The following HIBADH variants were observed in gnomAD, a reference collection of about 807,000 sequenced individuals.
HIBADH encodes 3-hydroxyisobutyrate dehydrogenase, mitochondrial.
A neutral mutation model predicts 36.1 loss-of-function variants in HIBADH; 25 were observed. That is an observed-to-expected ratio of 0.69 (90% CI 0.50 to 0.97). HIBADH has a LOEUF of 0.97. Ranked by LOEUF, HIBADH falls within the 50% of genes least tolerant of loss-of-function variation. The probability of loss-of-function intolerance (pLI) is 0.00; values close to 1 mark genes in which losing one functional copy is unlikely to be tolerated. For synonymous variants in HIBADH, 160 were observed against 149.5 expected (o/e 1.07, Z -0.51); for missense variants, 421 against 418.0 (o/e 1.01, Z -0.06).
chr7:27,542,448 T>G (rs1784167010), intron 5 of HIBADH, among the ~76,000 whole-genome samples: 1 of 140,520 alleles, frequency 7.1e-6, no homozygotes, highest in African/African-American at 2.7e-5. Flanking sequence ...GTTTTTTTTT[T>G]TTTTTTTTTT....
intron 4 of HIBADH, among the ~76,000 whole-genome samples, chr7:27,622,728 A>G (rs917320182): frequency 6.6e-6 from 1 of 152,200 alleles, no homozygotes; most frequent in Non-Finnish European, 1.5e-5. Context: ...ATTGAATCAG[A>G]AAGAAATAGA....
At chr7:27,538,291 A>G in intron 6 of HIBADH, 50 bp downstream of exon 6, 2 of 1,355,556 alleles carry the variant, frequency 1.5e-6, no homozygotes, top group Non-Finnish European at 1.0e-6. Context: ...AGAAAATCAA[A>G]TAGGAAAGCC....
intron 1 of HIBADH, among the ~76,000 whole-genome samples, chr7:27,650,410 T>C (rs188714429): frequency 3.8e-4 from 58 of 151,720 alleles, no homozygotes; most frequent in Non-Finnish European, 7.5e-4. Flanking sequence ...TATCAGGACC[T>C]TGGTCTAACA....
chr7:27,637,210 A>G (rs1407692304), intron 2 of HIBADH, among the ~76,000 whole-genome samples: 1 of 152,178 alleles, frequency 6.6e-6, no homozygotes, highest in Admixed American at 6.6e-5. Context: ...TTTATATAAG[A>G]ATAAGAAATT....
chr7:27,615,742 T>C (rs764672001), intron 4 of HIBADH, among the ~76,000 whole-genome samples: 5 of 152,232 alleles, frequency 3.3e-5, no homozygotes, highest in Non-Finnish European at 5.9e-5. Flanking sequence ...TACTAGTTTA[T>C]GGATTTACTA....
chr7:27,550,901 T>C (rs1438004917), intron 4 of HIBADH, among the ~76,000 whole-genome samples: 2 of 152,150 alleles, frequency 1.3e-5, no homozygotes, highest in Non-Finnish European at 2.9e-5. Context: ...TATTTTCTAG[T>C]TTATCAAAAA....
chr7:27,540,046 G>A (rs1784126257), intron 5 of HIBADH, among the ~76,000 whole-genome samples: 1 of 152,020 alleles, frequency 6.6e-6, no homozygotes, highest in Non-Finnish European at 1.5e-5. Flanking sequence ...GGTAGAAGGG[G>A]AGGCAGAAGG....
chr7:27,612,592 G>A (rs1290926533), intron 4 of HIBADH, among the ~76,000 whole-genome samples: 3 of 151,328 alleles, frequency 2.0e-5, no homozygotes, highest in Admixed American at 2.0e-4. Flanking sequence ...CAAAGTGCTG[G>A]GATTACAGGC....
intron 2 of HIBADH, among the ~76,000 whole-genome samples, chr7:27,649,046 G>C (rs1210577962): frequency 1.3e-5 from 2 of 152,190 alleles, no homozygotes; most frequent in African/African-American, 2.4e-5. Flanking sequence ...CTTGCCCCCA[G>C]TAAGAAAGCA....
At chr7:27,542,618 A>AT (rs1562615532) in intron 5 of HIBADH, among the ~76,000 whole-genome samples, 1 of 151,526 alleles carries the variant, frequency 6.6e-6, no homozygotes, top group African/African-American at 2.4e-5. Context: ...CACTCGACTA[A>AT]TTTTTTTGTT....
intron 1 of HIBADH, among the ~76,000 whole-genome samples, chr7:27,650,396 A>T (rs1335787224): frequency 6.6e-6 from 1 of 151,716 alleles, no homozygotes; most frequent in Non-Finnish European, 1.5e-5. Context: ...GGCAAGTGTA[A>T]CAGTATCAGG....
At chr7:27,658,738 A>G (rs1467427946) in intron 1 of HIBADH, among the ~76,000 whole-genome samples, 2 of 152,182 alleles carry the variant, frequency 1.3e-5, no homozygotes, top group Non-Finnish European at 2.9e-5. Context: ...TCATTATATC[A>G]TAAGGTTATA....
At chr7:27,542,134 C>T (rs150859363) in intron 5 of HIBADH, among the ~76,000 whole-genome samples, 137 of 152,190 alleles carry the variant, frequency 9.0e-4, no homozygotes, top group Middle Eastern at 3.4e-3. Context: ...TATGCGTTCA[C>T]GACATATCTA....
At chr7:27,578,718 G>A (rs962612819) in intron 4 of HIBADH, among the ~76,000 whole-genome samples, 2 of 151,426 alleles carry the variant, frequency 1.3e-5, no homozygotes, top group African/African-American at 4.8e-5. Context: ...ATTTTTTTTT[G>A]TTGTTACAAT....
rs531424438 is a variant in HIBADH at position 27,583,018 on chromosome 7, T to C, written c.485-39918A>G. Among the ~76,000 whole-genome samples, 5 of 152,280 alleles carry C rather than the reference T, an allele frequency of 3.3e-5. No individual in the cohort carries two copies. The East Asian group carries it at 9.6e-4, about 29-fold the overall frequency. On this transcript the variant is annotated intron_variant, in intron 4 of 7. Coordinates refer to ENST00000265395, the MANE Select transcript of HIBADH (RefSeq NM_152740.4). The stretch of plus-strand genomic sequence containing the variant: ...AAAATACCTGGCCTAGTACTTAGTG[T>C]ATAATCATAAGCTACCTTACCTATC...
intron 3 of HIBADH, among the ~76,000 whole-genome samples, chr7:27,630,407 G>A (rs1052058589): frequency 1.3e-5 from 2 of 152,004 alleles, no homozygotes; most frequent in African/African-American, 4.8e-5. Context: ...TCCCAAAGTG[G>A]TGGGATTACA....
intron 4 of HIBADH, among the ~76,000 whole-genome samples, chr7:27,620,282 T>C (rs759513421): frequency 6.6e-6 from 1 of 152,150 alleles, no homozygotes; most frequent in African/African-American, 2.4e-5. Context: ...ATCACACCAC[T>C]GCACTCCAGC....
At chr7:27,646,441 T>C (rs549964808) in intron 2 of HIBADH, among the ~76,000 whole-genome samples, 2 of 152,320 alleles carry the variant, frequency 1.3e-5, no homozygotes, top group South Asian at 4.1e-4. Flanking sequence ...CTGAGAGGTA[T>C]ACATTCCAAG....
At chr7:27,552,622 A>G (rs1784333860) in intron 4 of HIBADH, among the ~76,000 whole-genome samples, 1 of 152,204 alleles carries the variant, frequency 6.6e-6, no homozygotes, top group South Asian at 2.1e-4. Flanking sequence ...AGTTGAATAA[A>G]CGCTAGGGAT....
Sources: allele counts gnomAD v4.1 joint callset (sites outside exome capture counted in the v4.1 genomes callset), GRCh38; gene constraint gnomAD v4.1.1; transcripts MANE v1.5; gene names NCBI Gene and HGNC (gene_info 2026-07-23, HGNC 2026-07-21).